The following VPS37A variants were observed in gnomAD, a reference collection of about 807,000 sequenced individuals.
The protein encoded by VPS37A is vacuolar protein sorting-associated protein 37A.
Under a neutral mutation model 49.8 loss-of-function variants are expected in VPS37A, and 30 were observed. That is an observed-to-expected ratio of 0.60 (90% CI 0.45 to 0.82). The LOEUF is 0.82. Among genes scored for constraint, VPS37A ranks in the 40% least tolerant of loss-of-function variants. The pLI is 0.00. For synonymous variants in VPS37A, 195 were observed against 160.6 expected (o/e 1.21, Z -1.62); for missense variants, 593 against 464.4 (o/e 1.28, Z -2.55).
intron 1 of VPS37A, chr8:17,265,655 A>G: frequency 1.2e-6 from 1 of 832,566 alleles, no homozygotes; most frequent in Non-Finnish European, 1.8e-6. Flanking sequence ...GCATTAATGA[A>G]GAGTTTTTTC....
At chr8:17,311,702 C>T in the VPS37A span, 4 of 1,607,628 alleles carry the variant, frequency 2.5e-6, no homozygotes, top group Non-Finnish European at 3.4e-6. Flanking sequence ...CCTCTCATCA[C>T]AGCCAGGTTT....
intron 6 of VPS37A, chr8:17,279,684 C>G (rs1434530675): frequency 2.5e-6 from 1 of 403,546 alleles, no homozygotes. Flanking sequence ...ATACATTGTT[C>G]TTTACCTGAG....
chr8:17,329,052 T>C, the VPS37A span, among the ~76,000 whole-genome samples: 1 of 152,360 alleles, frequency 6.6e-6, no homozygotes, highest in Non-Finnish European at 1.5e-5. Context: ...CAATTTTACT[T>C]TTCTGTTATT....
At position 17,247,291 on chromosome 8, in the gene VPS37A, C is replaced by T; in HGVS notation, c.47C>T (p.Ala16Val). The change falls in exon 1 of 12, where the codon GCT becomes GTT. Residue 16 changes from alanine (A) to valine (V), a missense_variant. Coordinates refer to ENST00000324849, the MANE Select transcript of VPS37A (RefSeq NM_152415.3). ...ACCAAGAGCGCCTCCTCCTCCGCGG[C>T]TGGGTCCCCCGGTGGCCTCACCAGC... is the stretch of plus-strand genomic sequence containing the variant. ...PLTKSASSSA[A>V]GSPGGLTSLQ... 1 of 1,565,758 alleles carries T rather than the reference C, an allele frequency of 6.4e-7. No homozygotes were observed. The highest frequency in any genetic ancestry group is 1.4e-5 in the African/African-American group (1 of 73,744).
chr8:17,247,788 T>C (rs547237771), intron 1 of VPS37A: 25 of 702,424 alleles, frequency 3.6e-5, no homozygotes, highest in Non-Finnish European at 5.7e-5. Flanking sequence ...GAATGGAAAA[T>C]AGAACTGTTG....
intron 4 of VPS37A, among the ~76,000 whole-genome samples, chr8:17,273,062 A>T (rs1253563113): frequency 9.0e-6 from 1 of 111,466 alleles, no homozygotes; most frequent in African/African-American, 3.8e-5. Flanking sequence ...GGAGGGGGTC[A>T]CTAAATGATA....
chr8:17,276,253 C>G (rs1327327867), intron 5 of VPS37A, 144 bp from the exon 6 acceptor site: 18 of 641,136 alleles, frequency 2.8e-5, no homozygotes, highest in Non-Finnish European at 4.7e-5. Context: ...GAAGGGGAGA[C>G]TAAGGCAGTG....
chr8:17,319,219 A>T, the VPS37A span, among the ~76,000 whole-genome samples: 2 of 152,238 alleles, frequency 1.3e-5, no homozygotes, highest in East Asian at 3.8e-4. Context: ...AACCTGGGCT[A>T]GTTACTGAGC....
downstream of VPS37A, among the ~76,000 whole-genome samples, chr8:17,303,776 A>C (rs1817278997): frequency 6.6e-6 from 1 of 152,024 alleles, no homozygotes; most frequent in South Asian, 2.1e-4. Context: ...TGCCCAGCTA[A>C]TTTTTGTATT....
At chr8:17,280,862 C>G (rs148273637) in intron 9 of VPS37A, among the ~76,000 whole-genome samples, 17 of 151,842 alleles carry the variant, frequency 1.1e-4, no homozygotes, top group African/African-American at 4.1e-4. Flanking sequence ...AAGTTTTATG[C>G]TAGAAATCCA....
At chr8:17,302,912 T>TGTTGGTCAG (rs1255723005), downstream of VPS37A, among the ~76,000 whole-genome samples, 1 of 151,882 alleles carries the variant, frequency 6.6e-6, no homozygotes, top group Non-Finnish European at 1.5e-5. Context: ...GGTTTCACCA[T>TGTTGGTCAG]GTTGGTCAGG....
the VPS37A span, among the ~76,000 whole-genome samples, chr8:17,312,267 T>G: frequency 6.6e-6 from 1 of 152,100 alleles, no homozygotes; most frequent in African/African-American, 2.4e-5. Context: ...AATTCTAGTT[T>G]TATTAGTTTA....
the VPS37A span, among the ~76,000 whole-genome samples, chr8:17,318,792 C>T: frequency 6.6e-6 from 1 of 152,192 alleles, no homozygotes; most frequent in Non-Finnish European, 1.5e-5. Flanking sequence ...GTTCTGTGCC[C>T]CCCAGGGACA....
At chr8:17,311,580 C>T in the VPS37A span, 1 of 1,614,166 alleles carries the variant, frequency 6.2e-7, no homozygotes, top group Non-Finnish European at 8.5e-7. Flanking sequence ...CCTGAGCGGT[C>T]CTGTCCCAGC....
intron 2 of VPS37A, among the ~76,000 whole-genome samples, chr8:17,266,338 G>A (rs996210266): frequency 2.0e-5 from 3 of 152,088 alleles, no homozygotes; most frequent in Non-Finnish European, 4.4e-5. Context: ...CTTTAAATCA[G>A]AAACAAGTTA....
At position 17,287,855 on chromosome 8, in the gene VPS37A, G is replaced by C. The variant is rs1004564132; in HGVS notation, c.*1428G>C. Among the ~76,000 whole-genome samples, 8 of 152,060 alleles carry C rather than the reference G, an allele frequency of 5.3e-5. No homozygotes were observed. In the East Asian group the frequency reaches 1.5e-3, roughly 29 times the overall value. ...CATCCTACTGTAGTCAGTTTGGCCT[G>C]GAAATTGGTATCCTGTGGTCCTCTG... On this transcript the variant is annotated intron_variant, in intron 11 of 11. Coordinates refer to ENST00000324849, the MANE Select transcript of VPS37A (RefSeq NM_152415.3).
At chr8:17,277,073 A>G (rs1011744813) in intron 6 of VPS37A, among the ~76,000 whole-genome samples, 2 of 152,112 alleles carry the variant, frequency 1.3e-5, no homozygotes, top group East Asian at 1.9e-4. Flanking sequence ...TATTACTAAT[A>G]AGACTACTGA....
At chr8:17,249,692 T>C (rs1022931216) in intron 1 of VPS37A, among the ~76,000 whole-genome samples, 1 of 152,196 alleles carries the variant, frequency 6.6e-6, no homozygotes, top group African/African-American at 2.4e-5. Context: ...GTATGGTATC[T>C]GATGTAAAGA....
At position 17,274,798 on chromosome 8, in the gene VPS37A, A is replaced by C; in HGVS notation, c.482A>C (p.Tyr161Ser). The part of the protein sequence containing the change: ...ASQGFPFLPP[Y>S]PPQEANRSIT... ...CAGGGTTTTCCATTTCTTCCTCCAT[A>C]TCCTCCACAAGAAGCAAACAGGAGT... Residue 161 changes from tyrosine to serine, a missense_variant, in exon 5 of 12, where the codon TAT becomes TCT. Tyr to Ser is a moderately radical substitution (Grantham distance 144, BLOSUM62 -2). Transcript: ENST00000324849. 1 of 1,614,060 alleles carries C rather than the reference A, an allele frequency of 6.2e-7. No homozygotes were observed. Among genetic ancestry groups the C allele is most frequent in the Non-Finnish European group, 8.5e-7 (1 of 1,179,988 alleles).
Sources: gnomAD v4.1 joint callset for allele counts (sites outside exome capture counted in the v4.1 genomes callset) on GRCh38, gnomAD v4.1.1 for gene constraint, MANE v1.5 for transcripts, NCBI Gene and HGNC (gene_info 2026-07-23, HGNC 2026-07-21) for gene names.